Variants in GALNT13 observed in about 807,000 individuals in gnomAD.
The protein encoded by GALNT13 is UDP-GalNAc:polypeptide N-acetylgalactosaminyltransferase 13.
In GALNT13, 28 loss-of-function variants were observed where a neutral mutation model predicts 64.2. That is an observed-to-expected ratio of 0.44 (90% CI 0.32 to 0.60). The LOEUF (loss-of-function observed/expected upper bound fraction) is 0.60. Among genes scored for constraint, GALNT13 ranks in the 20% least tolerant of loss-of-function variants. The pLI, the probability that GALNT13 is intolerant of heterozygous loss-of-function variation, is 0.05. For missense variants in GALNT13, 577 were observed against 669.8 expected (o/e 0.86, Z 1.53); for synonymous variants, 214 against 224.6 (o/e 0.95, Z 0.42).
the GALNT13 span, among the ~76,000 whole-genome samples, chr2:153,577,585 A>G: frequency 6.6e-6 from 1 of 152,056 alleles, no homozygotes; most frequent in Non-Finnish European, 1.5e-5. Flanking sequence ...TGCTTTTCAG[A>G]TGCCCCCTCT....
chr2:153,643,887 A>T, the GALNT13 span, among the ~76,000 whole-genome samples: 1 of 151,994 alleles, frequency 6.6e-6, no homozygotes, highest in Non-Finnish European at 1.5e-5. Flanking sequence ...CTTCACTATA[A>T]AAAATTTTGG....
intron 3 of GALNT13, among the ~76,000 whole-genome samples, chr2:154,077,458 CA>C (rs953677126): frequency 6.6e-6 from 1 of 151,294 alleles, no homozygotes; most frequent in Non-Finnish European, 1.5e-5. Context: ...AATAAAGACA[CA>C]AAAAATTATT....
chr2:154,258,787 T>C (rs1325542831), intron 7 of GALNT13, among the ~76,000 whole-genome samples: 3 of 151,616 alleles, frequency 2.0e-5, no homozygotes, highest in African/African-American at 7.3e-5. Flanking sequence ...GTCACTTTCA[T>C]CTATCTATTT....
chr2:153,880,757 A>G (rs1274642321), intron 1 of GALNT13, among the ~76,000 whole-genome samples: 1 of 152,054 alleles, frequency 6.6e-6, no homozygotes, highest in Non-Finnish European at 1.5e-5. Flanking sequence ...TTTTAAGCAT[A>G]CCTTTTGATT....
intron 8 of GALNT13, among the ~76,000 whole-genome samples, chr2:154,292,849 T>C (rs190975231): frequency 2.2e-3 from 338 of 152,284 alleles, no homozygotes; most frequent in Non-Finnish European, 3.2e-3. Flanking sequence ...CATTGCAAAG[T>C]GGAGCTTATG....
chr2:153,772,606 C>T, the GALNT13 span, among the ~76,000 whole-genome samples: 1 of 152,178 alleles, frequency 6.6e-6, no homozygotes, highest in African/African-American at 2.4e-5. Flanking sequence ...CACTGTTTTG[C>T]TATTTCCAAG....
chr2:154,349,288 A>G (rs1195332583), intron 9 of GALNT13, among the ~76,000 whole-genome samples: 4 of 152,236 alleles, frequency 2.6e-5, no homozygotes, highest in Non-Finnish European at 5.9e-5. Context: ...TTTCCTATCC[A>G]TGAAATGTGG....
the GALNT13 span, among the ~76,000 whole-genome samples, chr2:153,848,334 G>A: frequency 2.6e-5 from 4 of 152,282 alleles, no homozygotes; most frequent in East Asian, 5.8e-4. Flanking sequence ...ACATAGCATG[G>A]TAAAAGGGAT....
At chr2:153,630,127 A>C in the GALNT13 span, among the ~76,000 whole-genome samples, 3 of 150,908 alleles carry the variant, frequency 2.0e-5, no homozygotes, top group African/African-American at 7.4e-5. Flanking sequence ...ATACCATTTG[A>C]CCCAGCCATC....
At chr2:154,447,442 C>T (rs1157537826) in intron 12 of GALNT13, among the ~76,000 whole-genome samples, 2 of 151,836 alleles carry the variant, frequency 1.3e-5, no homozygotes, top group Non-Finnish European at 2.9e-5. Context: ...TAAAATGAAT[C>T]ATTACACAGG....
At chr2:153,602,001 G>A in the GALNT13 span, among the ~76,000 whole-genome samples, 3 of 151,764 alleles carry the variant, frequency 2.0e-5, no homozygotes, top group East Asian at 1.9e-4. Flanking sequence ...ATTCTCAAAA[G>A]AGCAAATATT....
chr2:153,440,765 G>A, the GALNT13 span, among the ~76,000 whole-genome samples: 1 of 152,000 alleles, frequency 6.6e-6, no homozygotes, highest in African/African-American at 2.4e-5. Flanking sequence ...ACAAGTGTCT[G>A]TTCATATCCT....
the GALNT13 span, among the ~76,000 whole-genome samples, chr2:153,200,939 A>T: frequency 1.3e-5 from 2 of 152,210 alleles, no homozygotes; most frequent in African/African-American, 4.8e-5. Context: ...CTAGAAGGTA[A>T]TGCTTTCTGT....
the GALNT13 span, among the ~76,000 whole-genome samples, chr2:153,543,394 C>T: frequency 2.0e-5 from 3 of 152,162 alleles, no homozygotes; most frequent in South Asian, 2.1e-4. Context: ...AAATAAGATG[C>T]TATCTTTCTC....
the GALNT13 span, chr2:153,478,790 G>T: frequency 1.5e-5 from 7 of 478,742 alleles, no homozygotes; most frequent in Admixed American, 2.8e-4. Flanking sequence ...CCCTGGTGGT[G>T]CTCGTTCCCG....
At chr2:154,117,911 G>A (rs754829228) in intron 3 of GALNT13, among the ~76,000 whole-genome samples, 41 of 152,112 alleles carry the variant, frequency 2.7e-4, no homozygotes, top group Non-Finnish European at 5.7e-4. Flanking sequence ...AATTTGCTGA[G>A]GCTTGTTTTG....
chr2:154,206,630 A>G (rs1048573555), intron 4 of GALNT13, among the ~76,000 whole-genome samples: 26 of 151,916 alleles, frequency 1.7e-4, no homozygotes, highest in Non-Finnish European at 3.7e-4. Flanking sequence ...CCCTGTCTCT[A>G]CTAAAAATAC....
the GALNT13 span, among the ~76,000 whole-genome samples, chr2:153,664,506 A>G: frequency 6.6e-6 from 1 of 152,154 alleles, no homozygotes; most frequent in Non-Finnish European, 1.5e-5. Flanking sequence ...AGTTAACGCA[A>G]TCATCACAAG....
intron 2 of GALNT13, among the ~76,000 whole-genome samples, chr2:153,926,571 A>C (rs1690150722): frequency 6.6e-6 from 1 of 152,144 alleles, no homozygotes; most frequent in Non-Finnish European, 1.5e-5. Flanking sequence ...GTAATACTAG[A>C]GACTAGTAAA....
Sources: gnomAD v4.1 joint callset for allele counts (sites outside exome capture counted in the v4.1 genomes callset) on GRCh38, gnomAD v4.1.1 for gene constraint, MANE v1.5 for transcripts, NCBI Gene and HGNC (gene_info 2026-07-23, HGNC 2026-07-21) for gene names.